Variants in IGSF11 observed in about 807,000 individuals in gnomAD.
IGSF11 encodes the protein immunoglobulin superfamily member 11, also known as CXADR like 1.
A neutral mutation model predicts 41.0 loss-of-function variants in IGSF11; 22 were observed. The ratio of observed to expected loss-of-function variants is 0.54; its 90% CI spans 0.38 to 0.77. The LOEUF is 0.77. IGSF11 is among the 30% of genes least tolerant of loss of function. IGSF11 has a pLI of 0.00. For synonymous variants in IGSF11, 219 were observed against 201.3 expected, an observed-to-expected ratio of 1.09 and a Z score of -0.74; for missense variants, 444 against 530.8, an observed-to-expected ratio of 0.84 and a Z score of 1.61.
Position 119,058,439 on chromosome 3 carries a change from A to G in IGSF11, c.49+46705T>C, listed in dbSNP as rs549800057. Among the ~76,000 whole-genome samples the G allele has an allele frequency of 1.8e-3, 281 of 152,238 alleles. 2 individuals carry two copies. Among genetic ancestry groups the G allele is most frequent in the East Asian group, 6.0e-3 (31 of 5,184 alleles). On this transcript the variant is annotated intron_variant, in intron 1 of 6. Transcript: ENST00000354673. ...CCACAATGAGATACCATCTCACACC[A>G]GTTAGAATGGCAATCATTAAAAAGT...
At chr3:119,065,942 G>T (rs975345972) in intron 1 of IGSF11, among the ~76,000 whole-genome samples, 15 of 152,100 alleles carry the variant, frequency 9.9e-5, no homozygotes, top group Non-Finnish European at 1.9e-4. Flanking sequence ...TTCATCAGGG[G>T]AGGGCTGTTT....
At chr3:119,110,334 G>C (rs13068205) in intron 1 of IGSF11, among the ~76,000 whole-genome samples, 28,304 of 150,892 alleles carry the variant, frequency 0.19, 2,804 homozygotes, top group Admixed American at 0.29. Flanking sequence ...GATCCCTTTA[G>C]CATTATGTAA....
intron 1 of IGSF11, among the ~76,000 whole-genome samples, chr3:118,963,222 T>C (rs908147258): frequency 4.6e-5 from 7 of 152,212 alleles, no homozygotes; most frequent in African/African-American, 1.4e-4. Flanking sequence ...CTCAACACTA[T>C]GTATCCTAAG....
intron 1 of IGSF11, among the ~76,000 whole-genome samples, chr3:119,080,231 C>T (rs901425700): frequency 6.6e-6 from 1 of 152,160 alleles, no homozygotes; most frequent in Non-Finnish European, 1.5e-5. Context: ...TTTTTCTATG[C>T]TTAGTAATGG....
chr3:118,985,200 T>C (rs532169611), intron 1 of IGSF11, among the ~76,000 whole-genome samples: 15 of 152,296 alleles, frequency 9.8e-5, no homozygotes, highest in African/African-American at 3.1e-4. Flanking sequence ...AAATTCAATC[T>C]TGTTTAATTT....
chr3:119,113,632 G>T (rs893668857), intron 1 of IGSF11, among the ~76,000 whole-genome samples: 7 of 152,328 alleles, frequency 4.6e-5, no homozygotes, highest in Admixed American at 4.6e-4. Flanking sequence ...CTAGGGTGGA[G>T]TGCCTGCAGC....
intron 1 of IGSF11, among the ~76,000 whole-genome samples, chr3:118,938,029 T>C (rs900168247): frequency 4.0e-5 from 6 of 150,742 alleles, no homozygotes; most frequent in Admixed American, 4.0e-4. Flanking sequence ...CTCTCATATA[T>C]ATATATATAA....
intron 4 of IGSF11, among the ~76,000 whole-genome samples, chr3:118,923,943 CT>C (rs1305532106): frequency 1.3e-5 from 2 of 152,156 alleles, no homozygotes; most frequent in African/African-American, 4.8e-5. Context: ...TACGAAGTTA[CT>C]TTTTTGTCAT....
chr3:119,142,258 G>A (rs972530423), intron 1 of IGSF11, among the ~76,000 whole-genome samples: 1 of 115,400 alleles, frequency 8.7e-6, no homozygotes, highest in African/African-American at 3.3e-5. Flanking sequence ...CTGGGCGACA[G>A]AGCAAGACTC....
At chr3:119,101,776 C>T (rs2076943909) in intron 1 of IGSF11, among the ~76,000 whole-genome samples, 1 of 152,200 alleles carries the variant, frequency 6.6e-6, no homozygotes, top group Non-Finnish European at 1.5e-5. Context: ...ATGTATAACA[C>T]ATTTAATTCT....
chr3:118,975,201 TTAAAA>T (rs1933935044), intron 1 of IGSF11, among the ~76,000 whole-genome samples: 2 of 152,186 alleles, frequency 1.3e-5, no homozygotes, highest in Admixed American at 1.3e-4. Flanking sequence ...AACAAAAAAA[TTAAAA>T]TAAAATCATT....
chr3:119,005,097 T>C (rs905125128), intron 1 of IGSF11, among the ~76,000 whole-genome samples: 9 of 145,410 alleles, frequency 6.2e-5, no homozygotes, highest in African/African-American at 2.2e-4. Context: ...TTTGGGAGTC[T>C]AAGTCTCTTT....
intron 4 of IGSF11, among the ~76,000 whole-genome samples, chr3:118,906,982 C>T (rs1011878850): frequency 1.3e-5 from 2 of 152,166 alleles, no homozygotes; most frequent in African/African-American, 4.8e-5. Context: ...GCTTCACTGC[C>T]CTCCTTATGC....
intron 1 of IGSF11, among the ~76,000 whole-genome samples, chr3:119,085,047 G>C (rs1375106239): frequency 6.6e-6 from 1 of 152,188 alleles, no homozygotes; most frequent in African/African-American, 2.4e-5. Flanking sequence ...CTTCTGGAGG[G>C]AGCCTCAACG....
At chr3:119,049,645 C>G (rs909923904) in intron 1 of IGSF11, among the ~76,000 whole-genome samples, 1 of 152,110 alleles carries the variant, frequency 6.6e-6, no homozygotes, top group Non-Finnish European at 1.5e-5. Flanking sequence ...TTGGAAAAAA[C>G]TACTTTAAAG....
At chr3:118,903,424 C>A (rs1264777324) in intron 6 of IGSF11, among the ~76,000 whole-genome samples, 1 of 151,718 alleles carries the variant, frequency 6.6e-6, no homozygotes, top group East Asian at 1.9e-4. Flanking sequence ...GGAAATTAGT[C>A]CATGAAGAAA....
chr3:118,912,408 G>T (rs536130444), intron 4 of IGSF11, among the ~76,000 whole-genome samples: 2 of 152,272 alleles, frequency 1.3e-5, no homozygotes, highest in Admixed American at 1.3e-4. Flanking sequence ...GCTCCTGTGA[G>T]CTAGCTCCAG....
At chr3:118,950,644 TAATAC>T (rs1459579007) in intron 1 of IGSF11, among the ~76,000 whole-genome samples, 10 of 152,036 alleles carry the variant, frequency 6.6e-5, no homozygotes, top group African/African-American at 2.4e-4. Flanking sequence ...TACATTATAA[TAATAC>T]ATTATAATAA....
chr3:118,901,136 C>A lies in IGSF11; in HGVS notation c.*1384G>T, dbSNP rs554914271. 12 of 152,440 alleles carry A rather than the reference C, an allele frequency of 7.9e-5. No homozygotes were observed. The highest frequency in any genetic ancestry group is 2.6e-4 in the African/African-American group (11 of 41,534). 9.4% of individuals were successfully genotyped at this position (152,440 alleles called of 1,614,324 possible). On this transcript the variant is annotated 3_prime_UTR_variant, in exon 7 of 7. Coordinates refer to ENST00000393775, the MANE Select transcript of IGSF11 (RefSeq NM_001015887.3). The stretch of plus-strand genomic sequence containing the variant: ...AATCTGAGAAGAAATTTGTGGGTTG[C>A]TTAAGTGTGGTTAAGGCAAGACAGT...
Sources: allele counts gnomAD v4.1 joint callset (sites outside exome capture counted in the v4.1 genomes callset), GRCh38; gene constraint gnomAD v4.1.1; transcripts MANE v1.5; gene names NCBI Gene and HGNC (gene_info 2026-07-23, HGNC 2026-07-21).